MTCL2: variants seen among roughly 807,000 people sequenced by gnomAD.
MTCL2 encodes the protein microtubule crosslinking factor 2, also known as microtubule cross-linking factor 2.
At chr20:36,847,853 CA>C in the MTCL2 span, among the ~76,000 whole-genome samples, 30,974 of 83,460 alleles carry the variant, frequency 0.37, 3,426 homozygotes, top group Middle Eastern at 0.51. Context: ...CAGTCTGACT[CA>C]AAAAAAAAAA....
the MTCL2 span, chr20:36,809,973 A>G: frequency 6.3e-7 from 1 of 1,597,418 alleles, no homozygotes; most frequent in Admixed American, 1.7e-5. Context: ...AGCGCTGGGC[A>G]CCACGCACCT....
chr20:36,849,083 C>T, the MTCL2 span, among the ~76,000 whole-genome samples: 6 of 3,460 alleles, frequency 1.7e-3, no homozygotes, highest in Admixed American at 4.4e-3. Context: ...TTTTTTGTGA[C>T]GGAGTTTCAC....
At chr20:36,804,543 C>A in the MTCL2 span, among the ~76,000 whole-genome samples, 1 of 152,180 alleles carries the variant, frequency 6.6e-6, no homozygotes, top group South Asian at 2.1e-4. Context: ...CTCTGTGACT[C>A]CCATTCCCCA....
the MTCL2 span, chr20:36,817,286 A>G: frequency 2.2e-6 from 2 of 890,336 alleles, no homozygotes; most frequent in Admixed American, 3.0e-5. Context: ...AAAAAAAAAG[A>G]AAAGAAAAAA....
At chr20:36,803,223 C>T in the MTCL2 span, 7 of 1,428,994 alleles carry the variant, frequency 4.9e-6, no homozygotes, top group African/African-American at 2.8e-5. Context: ...CTCAGAAGAC[C>T]CCTCACTAGG....
chr20:36,825,970 T>G, the MTCL2 span, among the ~76,000 whole-genome samples: 1 of 151,646 alleles, frequency 6.6e-6, no homozygotes, highest in Non-Finnish European at 1.5e-5. Context: ...TTTACCTCTT[T>G]TAAAAATTTC....
the MTCL2 span, chr20:36,816,201 T>C: frequency 6.2e-7 from 1 of 1,613,534 alleles, no homozygotes; most frequent in Non-Finnish European, 8.5e-7. Flanking sequence ...CAGCAGCTCC[T>C]CCTTCATGCT....
At chr20:36,796,823 G>C in the MTCL2 span, 2 of 1,550,778 alleles carry the variant, frequency 1.3e-6, no homozygotes, top group Admixed American at 1.7e-5. Context: ...AGGAGGTGGA[G>C]AGGGGCGAGG....
the MTCL2 span, among the ~76,000 whole-genome samples, chr20:36,861,741 C>T: frequency 4.6e-5 from 7 of 152,132 alleles, no homozygotes; most frequent in African/African-American, 1.2e-4. Flanking sequence ...GAGAGGTCAA[C>T]ACGTGCAAGC....
chr20:36,786,687 A>G, the MTCL2 span: 1 of 1,486,748 alleles, frequency 6.7e-7, no homozygotes, highest in Admixed American at 2.0e-5. Flanking sequence ...GCCAGGAGAC[A>G]TGGACCACCA....
the MTCL2 span, among the ~76,000 whole-genome samples, chr20:36,789,679 G>C: frequency 6.8e-6 from 1 of 147,442 alleles, no homozygotes; most frequent in Non-Finnish European, 1.5e-5. Flanking sequence ...AAAAAAAAAA[G>C]CGAATTCTCC....
chr20:36,815,312 G>T, the MTCL2 span: 1 of 1,613,904 alleles, frequency 6.2e-7, no homozygotes, highest in Non-Finnish European at 8.5e-7. This position sits in a 1 kb window ranked among gnomAD's most constrained non-coding sequence, Gnocchi z 5.3. Context: ...GGATGGCATG[G>T]ATGAGCTTGG....
At chr20:36,832,253 C>T in the MTCL2 span, among the ~76,000 whole-genome samples, 394 of 152,308 alleles carry the variant, frequency 2.6e-3, 4 homozygotes, top group African/African-American at 9.2e-3. Context: ...AAGGGCTGCA[C>T]CCCTGGCTGG....
the MTCL2 span, chr20:36,785,062 G>T: frequency 1.0e-6 from 1 of 985,432 alleles, no homozygotes; most frequent in Non-Finnish European, 1.2e-6. Flanking sequence ...TGGCCGTCCA[G>T]CCCTCCACCT....
the MTCL2 span, among the ~76,000 whole-genome samples, chr20:36,820,458 G>A: frequency 0.013 from 1,970 of 152,246 alleles, 42 homozygotes; most frequent in African/African-American, 0.045. Context: ...GCAAAACAAA[G>A]CCTATAACCC....
chr20:36,846,340 G>A, the MTCL2 span, among the ~76,000 whole-genome samples: 2 of 152,098 alleles, frequency 1.3e-5, no homozygotes, highest in Non-Finnish European at 2.9e-5. Context: ...GCCCCACCAC[G>A]GCCTGGCCAC....
At chr20:36,857,111 G>A in the MTCL2 span, among the ~76,000 whole-genome samples, 2 of 152,170 alleles carry the variant, frequency 1.3e-5, no homozygotes, top group Non-Finnish European at 2.9e-5. Context: ...GGCAAGGGTA[G>A]ATGTGCAGAC....
chr20:36,777,805 AG>A, the MTCL2 span: 1 of 615,422 alleles, frequency 1.6e-6, no homozygotes, highest in Non-Finnish European at 2.9e-6. Context: ...GGGAGGGGCC[AG>A]GATGAGGAGG....
At chr20:36,841,252 G>A in the MTCL2 span, among the ~76,000 whole-genome samples, 1 of 148,882 alleles carries the variant, frequency 6.7e-6, no homozygotes, top group African/African-American at 2.5e-5. Flanking sequence ...AGAATCACTT[G>A]AACCTAGGAG....
Sources: allele counts gnomAD v4.1 joint callset (sites outside exome capture counted in the v4.1 genomes callset), GRCh38; gene constraint gnomAD v4.1.1; non-coding constraint Gnocchi (gnomAD v3.1); transcripts MANE v1.5; gene names NCBI Gene and HGNC (gene_info 2026-07-23, HGNC 2026-07-21).